SLC22A23: variants seen among roughly 807,000 people sequenced by gnomAD.
The protein encoded by SLC22A23 is solute carrier family 22 member 23.
In SLC22A23, 26 loss-of-function variants were observed where a neutral mutation model predicts 61.0. The observed-to-expected ratio is 0.43, with a 90% CI of 0.31 to 0.59. The LOEUF is 0.59. Among genes scored for constraint, SLC22A23 ranks in the 20% least tolerant of loss-of-function variants. The probability of loss-of-function intolerance (pLI) is 0.11; values close to 1 mark genes in which losing one functional copy is unlikely to be tolerated. For missense variants in SLC22A23, 796 were observed against 934.7 expected (o/e 0.85, Z 1.94); for synonymous variants, 430 against 413.9 (o/e 1.04, Z -0.47).
At chr6:3,378,288 C>A (rs1339711190) in intron 3 of SLC22A23, among the ~76,000 whole-genome samples, 1 of 152,154 alleles carries the variant, frequency 6.6e-6, no homozygotes. Flanking sequence ...GGCCCGAAGT[C>A]CATCAGGCAT....
chr6:3,305,793 C>G (rs1192387496), intron 4 of SLC22A23, among the ~76,000 whole-genome samples: 5 of 152,198 alleles, frequency 3.3e-5, no homozygotes. Context: ...TTGAGGATGA[C>G]TTCTGCAACC....
chr6:3,306,602 G>A (rs1761989977), intron 4 of SLC22A23, among the ~76,000 whole-genome samples: 1 of 152,160 alleles, frequency 6.6e-6, no homozygotes, highest in East Asian at 1.9e-4. Flanking sequence ...CTGTCAGGCT[G>A]GGAAGACCTA....
At chr6:3,441,341 C>T (rs1432594719) in intron 1 of SLC22A23, among the ~76,000 whole-genome samples, 2 of 152,146 alleles carry the variant, frequency 1.3e-5, no homozygotes, top group Non-Finnish European at 2.9e-5. Flanking sequence ...TCCTTACTTA[C>T]AAAGTTCAGG....
At chr6:3,401,996 G>A (rs1768424823) in intron 3 of SLC22A23, among the ~76,000 whole-genome samples, 1 of 152,172 alleles carries the variant, frequency 6.6e-6, no homozygotes, top group Admixed American at 6.5e-5. Context: ...TACAGGATTT[G>A]GAATCAGAGT....
At chr6:3,347,050 C>T (rs935553076) in intron 3 of SLC22A23, among the ~76,000 whole-genome samples, 1 of 152,094 alleles carries the variant, frequency 6.6e-6, no homozygotes, top group African/African-American at 2.4e-5. Flanking sequence ...TCTTTCACAA[C>T]GTTTTTTTTT....
chr6:3,455,984 C>T lies in SLC22A23; in HGVS notation c.576G>A (p.Gly192=). ...TPPLPSPPDK[G]DNASNCDCRA... ...GGCAGTCACAGTTGGAGGCGTTGTC[C>T]CCCTTGTCCGGAGGGGATGGCAGGG... Residue 192 remains glycine (G), a synonymous_variant, in exon 1 of 10, where the codon GGG becomes GGA. Coordinates refer to ENST00000406686, the MANE Select transcript of SLC22A23 (RefSeq NM_015482.2). 3 of 1,546,800 alleles carry T rather than the reference C, an allele frequency of 1.9e-6. No individual in the cohort carries two copies. Among genetic ancestry groups the T allele is most frequent in the Non-Finnish European group, 2.6e-6 (3 of 1,145,948 alleles).
At chr6:3,416,288 G>A (rs1769699704) in intron 1 of SLC22A23, among the ~76,000 whole-genome samples, 1 of 152,206 alleles carries the variant, frequency 6.6e-6, no homozygotes, top group Non-Finnish European at 1.5e-5. Flanking sequence ...GACATGAGGA[G>A]GTTAAAAGTA....
At chr6:3,345,363 C>CTTTTTT (rs1163840651) in intron 3 of SLC22A23, among the ~76,000 whole-genome samples, 24 of 124,758 alleles carry the variant, frequency 1.9e-4, no homozygotes, top group Non-Finnish European at 2.6e-4. Flanking sequence ...TATCTCTTTT[C>CTTTTTT]TTTTTTTTTT....
intron 3 of SLC22A23, among the ~76,000 whole-genome samples, chr6:3,334,901 G>A (rs1413016394): frequency 6.6e-6 from 1 of 152,226 alleles, no homozygotes; most frequent in Non-Finnish European, 1.5e-5. Context: ...GAGTTAGTTG[G>A]TAGCAAAAGC....
At chr6:3,403,264 C>T (rs1193424431) in intron 3 of SLC22A23, among the ~76,000 whole-genome samples, 1 of 151,826 alleles carries the variant, frequency 6.6e-6, no homozygotes, top group African/African-American at 2.4e-5. Context: ...CAAAGTCAGC[C>T]CAGTATTGCT....
chr6:3,329,737 T>C lies in SLC22A23; in HGVS notation c.914-5735A>G, dbSNP rs1763480009. On this transcript the variant is annotated intron_variant, in intron 3 of 9. Coordinates refer to ENST00000406686, the MANE Select transcript of SLC22A23 (RefSeq NM_015482.2). This position sits in a 1 kb window ranked among gnomAD's most constrained non-coding sequence, Gnocchi z 4.8. ...GAAGCACTCGAGCGCACCTGGCTCA[T>C]ACTGAAGCCACGGAAGGCTTCCTAT... 6.6e-6 allele frequency among the ~76,000 whole-genome samples: 1 copy of C among 152,150 alleles called. No homozygotes were observed. The highest frequency in any genetic ancestry group is 1.5e-5 in the Non-Finnish European group (1 of 68,026).
At chr6:3,358,973 C>T (rs1224503892) in intron 3 of SLC22A23, among the ~76,000 whole-genome samples, 1 of 152,198 alleles carries the variant, frequency 6.6e-6, no homozygotes, top group African/African-American at 2.4e-5. Context: ...ATTGCATTTC[C>T]ATGTCAGCGC....
intron 2 of SLC22A23, 110 bp downstream of exon 2, chr6:3,415,641 TG>T: frequency 2.7e-6 from 2 of 744,364 alleles, no homozygotes; most frequent in Non-Finnish European, 4.5e-6. Context: ...CCTTCTGCTC[TG>T]GCACTGGGAA....
chr6:3,333,433 C>T lies in SLC22A23; in HGVS notation c.914-9431G>A, dbSNP rs988569745. ...TGACCCATGTGATTTCCACCCCTCC[C>T]GCATCCCTCAGACCACATCACCTGC... On this transcript the variant is annotated intron_variant, in intron 3 of 9. Transcript: ENST00000406686. The surrounding 1 kb of genome is among the most constrained non-coding windows in gnomAD (Gnocchi z 4.1). 4.4e-4 allele frequency among the ~76,000 whole-genome samples: 67 copies of T among 152,112 alleles called. No individual in the cohort carries two copies. Among genetic ancestry groups the T allele is most frequent in the African/African-American group, 1.6e-3 (65 of 41,418 alleles).
At chr6:3,326,428 C>T (rs557058199) in intron 3 of SLC22A23, among the ~76,000 whole-genome samples, 1 of 152,160 alleles carries the variant, frequency 6.6e-6, no homozygotes, top group Admixed American at 6.5e-5. Flanking sequence ...GAATCAGCAT[C>T]TGCATCTTAA....
At chr6:3,398,283 T>C (rs549624250) in intron 3 of SLC22A23, among the ~76,000 whole-genome samples, 1 of 152,100 alleles carries the variant, frequency 6.6e-6, no homozygotes, top group East Asian at 1.9e-4. Flanking sequence ...CCCCCAACCC[T>C]GATAATCTGA....
intron 6 of SLC22A23, 129 bp from the exon 7 acceptor site, chr6:3,287,220 A>T: frequency 1.3e-6 from 1 of 796,932 alleles, no homozygotes; most frequent in East Asian, 2.7e-5. Flanking sequence ...AGAAAAGCCC[A>T]TCATGACCGA....
intron 3 of SLC22A23, among the ~76,000 whole-genome samples, chr6:3,381,369 CT>C (rs1250131513): frequency 1.3e-5 from 2 of 152,196 alleles, no homozygotes; most frequent in Non-Finnish European, 2.9e-5. Flanking sequence ...TTTTGGGGAC[CT>C]TTCCCTAGGA....
chr6:3,361,858 G>A (rs572754908), intron 3 of SLC22A23, among the ~76,000 whole-genome samples: 6 of 152,194 alleles, frequency 3.9e-5, no homozygotes, highest in African/African-American at 1.2e-4. Context: ...CTCACGCTAC[G>A]ACCTAGGGAG....
Sources: allele counts gnomAD v4.1 joint callset (sites outside exome capture counted in the v4.1 genomes callset), GRCh38; gene constraint gnomAD v4.1.1; non-coding constraint Gnocchi (gnomAD v3.1); transcripts MANE v1.5; gene names NCBI Gene and HGNC (gene_info 2026-07-23, HGNC 2026-07-21).